The following GUCA1C variants were observed in gnomAD, a reference collection of about 807,000 sequenced individuals.
GUCA1C encodes the protein guanylate cyclase activator 1C, also known as guanylyl cyclase-activating protein 3.
Under a neutral mutation model 16.2 loss-of-function variants are expected in GUCA1C, and 15 were observed. The ratio of observed to expected loss-of-function variants is 0.93; its 90% confidence interval spans 0.62 to 1.43. GUCA1C has a LOEUF of 1.43. Among genes scored for constraint, GUCA1C ranks in the 40% most tolerant of loss-of-function variants. The pLI, the probability that GUCA1C is intolerant of heterozygous loss-of-function variation, is 0.00. For missense variants in GUCA1C, 275 were observed against 244.8 expected, an observed-to-expected ratio of 1.12 and a Z score of -0.82; for synonymous variants, 78 against 85.4, an observed-to-expected ratio of 0.91 and a Z score of 0.48.
intron 1 of GUCA1C, among the ~76,000 whole-genome samples, chr3:108,936,181 G>A (rs1345419469): frequency 6.6e-6 from 1 of 152,110 alleles, no homozygotes; most frequent in Non-Finnish European, 1.5e-5. Context: ...AGGATCACCT[G>A]AGCCCGGGAG....
chr3:108,918,945 C>A (rs918073854), intron 2 of GUCA1C, among the ~76,000 whole-genome samples: 12 of 152,010 alleles, frequency 7.9e-5, no homozygotes, highest in Non-Finnish European at 1.5e-4. Flanking sequence ...AATCACAGGA[C>A]TTTTATCCTT....
intron 1 of GUCA1C, among the ~76,000 whole-genome samples, chr3:108,947,411 C>G (rs775306454): frequency 6.6e-6 from 1 of 152,100 alleles, no homozygotes; most frequent in African/African-American, 2.4e-5. Context: ...GGAAGAAAAT[C>G]TGTAAGTGGA....
At chr3:108,946,415 C>T (rs1946844219) in intron 1 of GUCA1C, among the ~76,000 whole-genome samples, 1 of 152,126 alleles carries the variant, frequency 6.6e-6, no homozygotes, top group African/African-American at 2.4e-5. Flanking sequence ...GGATTACAGG[C>T]GTGAGCCACC....
At chr3:108,932,954 A>T (rs893086000) in intron 1 of GUCA1C, among the ~76,000 whole-genome samples, 1 of 150,612 alleles carries the variant, frequency 6.6e-6, no homozygotes, top group South Asian at 2.1e-4. Flanking sequence ...GAAGAAGTCC[A>T]GCAATCAAAC....
At chr3:108,926,168 A>C (rs1163788080) in intron 1 of GUCA1C, among the ~76,000 whole-genome samples, 1 of 151,710 alleles carries the variant, frequency 6.6e-6, no homozygotes, top group Non-Finnish European at 1.5e-5. Flanking sequence ...TAGTCCATTT[A>C]TTACTATATA....
At position 108,911,930 on chromosome 3, in the gene GUCA1C, AC is replaced by A. The variant is rs1946458366; in HGVS notation, c.443-3722del. ...AGACCAGCCTGGCCAATATGGTGAA[AC>A]CCCGTTTCTACTAAAAATACAAAAA... On this transcript the variant is annotated intron_variant, in intron 3 of 3. Transcript: ENST00000261047. Among the ~76,000 whole-genome samples, 3 of 151,912 alleles carry A rather than the reference AC, an allele frequency of 2.0e-5. No homozygotes were observed. The South Asian group carries it at 6.3e-4, about 32-fold the overall frequency.
chr3:108,928,639 A>C (rs1946642688), intron 1 of GUCA1C, among the ~76,000 whole-genome samples: 1 of 152,144 alleles, frequency 6.6e-6, no homozygotes, highest in Admixed American at 6.5e-5. Flanking sequence ...CTTTGTCTAG[A>C]TGCTTTTCTT....
intron 1 of GUCA1C, among the ~76,000 whole-genome samples, chr3:108,944,483 A>T (rs999592760): frequency 6.6e-6 from 1 of 152,180 alleles, no homozygotes; most frequent in African/African-American, 2.4e-5. Flanking sequence ...GGTGGAGGTC[A>T]GTAAGGGGAG....
intron 1 of GUCA1C, among the ~76,000 whole-genome samples, chr3:108,922,918 T>A (rs1285964599): frequency 6.6e-6 from 1 of 152,180 alleles, no homozygotes; most frequent in Non-Finnish European, 1.5e-5. Flanking sequence ...TGGTTTTCTG[T>A]TCCTGTGTTA....
chr3:108,954,686 G>A (rs1227797885), upstream of GUCA1C, among the ~76,000 whole-genome samples: 1 of 151,122 alleles, frequency 6.6e-6, no homozygotes, highest in African/African-American at 2.4e-5. Context: ...CTTAGAACCA[G>A]AAAACCCCAG....
chr3:108,932,650 G>A lies in GUCA1C; in HGVS notation c.205-12065C>T, dbSNP rs191817332. Among the ~76,000 whole-genome samples, 53 of 152,230 alleles carry A rather than the reference G, an allele frequency of 3.5e-4. No homozygotes were observed. In the East Asian group the frequency reaches 5.0e-3, roughly 14 times the overall value. On this transcript the variant is annotated intron_variant, in intron 1 of 3. Coordinates refer to ENST00000261047, the MANE Select transcript of GUCA1C (RefSeq NM_005459.4). ...CAATAAAGTCCAGCAGGCCGGGCAC[G>A]GTGGCTCACGCCTGTAATCCCAGCA... is the stretch of plus-strand genomic sequence containing the variant.
intron 3 of GUCA1C, among the ~76,000 whole-genome samples, chr3:108,912,103 C>CAATAATAATAATAATAATAAATAAT: frequency 8.0e-6 from 1 of 125,696 alleles, no homozygotes; most frequent in East Asian, 2.2e-4. Context: ...GACTCCGTCT[C>CAATAATAATAATAATAATAAATAAT]AATAATAATA....
At chr3:108,917,118 C>A (rs1290497636) in intron 2 of GUCA1C, among the ~76,000 whole-genome samples, 1 of 152,132 alleles carries the variant, frequency 6.6e-6, no homozygotes, top group African/African-American at 2.4e-5. Flanking sequence ...TGATGGATCT[C>A]ATGGTTAAAT....
At chr3:108,921,575 T>A (rs1272384067) in intron 1 of GUCA1C, among the ~76,000 whole-genome samples, 1 of 152,210 alleles carries the variant, frequency 6.6e-6, no homozygotes, top group Non-Finnish European at 1.5e-5. Flanking sequence ...AGAGCTCCTG[T>A]TGCACCACAT....
intron 1 of GUCA1C, among the ~76,000 whole-genome samples, chr3:108,922,121 T>C (rs1001683127): frequency 1.3e-5 from 2 of 151,886 alleles, no homozygotes; most frequent in African/African-American, 2.4e-5. Context: ...TTTTTATGGC[T>C]GAGTAGTATT....
At chr3:108,917,999 C>T (rs1250492113) in intron 2 of GUCA1C, among the ~76,000 whole-genome samples, 2 of 152,114 alleles carry the variant, frequency 1.3e-5, no homozygotes, top group Admixed American at 6.5e-5. Flanking sequence ...GAGCCGAGAT[C>T]GTGCCATTGC....
chr3:108,931,064 G>A (rs1413063451), intron 1 of GUCA1C, among the ~76,000 whole-genome samples: 1 of 152,196 alleles, frequency 6.6e-6, no homozygotes, highest in Non-Finnish European at 1.5e-5. Flanking sequence ...CAATTCAGCA[G>A]TCTCCTGGAC....
intron 2 of GUCA1C, among the ~76,000 whole-genome samples, chr3:108,919,588 G>C (rs370494802): frequency 6.6e-6 from 1 of 151,988 alleles, no homozygotes; most frequent in African/African-American, 2.4e-5. Flanking sequence ...CTCTACATTC[G>C]CTTATTTAGC....
rs746168661 is a variant in GUCA1C at position 108,953,631 on chromosome 3, C to T, written c.132G>A (p.Leu44=). The T allele has an allele frequency of 1.5e-5, 24 of 1,613,180 alleles. No homozygotes were observed. The highest frequency in any genetic ancestry group is 2.0e-5 in the Non-Finnish European group (23 of 1,179,284). Residue 44 remains leucine (L), a synonymous_variant, in exon 1 of 4, where the codon TTG becomes TTA. Coordinates refer to ENST00000261047, the MANE Select transcript of GUCA1C (RefSeq NM_005459.4). Reference sequence around the variant, plus strand: ...CCTTCTGATTCAGACCTTGCAGACCCAAAAGTGTCTTAAATTCATGTAGTG... The same window carrying T: ...CCTTCTGATTCAGACCTTGCAGACCTAAAAGTGTCTTAAATTCATGTAGTG... ...LQTLHEFKTL[L]GLQGLNQKAN... is the part of the protein sequence containing the mutation.
Sources: allele counts gnomAD v4.1 joint callset (sites outside exome capture counted in the v4.1 genomes callset), GRCh38; gene constraint gnomAD v4.1.1; transcripts MANE v1.5; gene names NCBI Gene and HGNC (gene_info 2026-07-23, HGNC 2026-07-21).